OTUD7A: variants seen among roughly 807,000 people sequenced by gnomAD.
OTUD7A encodes the protein OTU domain-containing protein 7A.
OTUD7A carries 12 observed loss-of-function variants against 65.7 expected under a neutral mutation model. That is an observed-to-expected ratio of 0.18 (90% confidence interval 0.12 to 0.30). OTUD7A has a LOEUF of 0.30. Among genes scored for constraint, OTUD7A ranks in the 10% least tolerant of loss-of-function variants. The pLI is 1.00. For missense variants in OTUD7A, 1,148 were observed against 1,304.8 expected (o/e 0.88, Z 1.85); for synonymous variants, 641 against 586.3 (o/e 1.09, Z -1.35).
At chr15:31,631,797 C>CT (rs1215689485) in intron 3 of OTUD7A, among the ~76,000 whole-genome samples, 1 of 152,084 alleles carries the variant, frequency 6.6e-6, no homozygotes, top group South Asian at 2.1e-4. Flanking sequence ...TCTTTTTATT[C>CT]TTTTTTCTCT....
intron 1 of OTUD7A, among the ~76,000 whole-genome samples, chr15:31,819,457 A>C (rs1896626727): frequency 6.6e-6 from 1 of 152,210 alleles, no homozygotes; most frequent in African/African-American, 2.4e-5. Context: ...ATTAATGCAC[A>C]TGGATGTTTA....
intron 1 of OTUD7A, among the ~76,000 whole-genome samples, chr15:31,842,795 A>G (rs1470295322): frequency 6.6e-6 from 1 of 152,118 alleles, no homozygotes; most frequent in Non-Finnish European, 1.5e-5. Flanking sequence ...TCATGACTTA[A>G]GCCATAGTAG....
intron 12 of OTUD7A, among the ~76,000 whole-genome samples, chr15:31,486,762 G>A (rs2041243628): frequency 1.3e-5 from 2 of 152,218 alleles, no homozygotes; most frequent in South Asian, 2.1e-4. Flanking sequence ...GGACCCACAC[G>A]GTTTGTAATT....
chr15:31,531,309 T>C (rs74391318), intron 5 of OTUD7A, among the ~76,000 whole-genome samples: 4,718 of 152,216 alleles, frequency 0.031, 250 homozygotes, highest in African/African-American at 0.11. Context: ...AGATGTACTT[T>C]TTCCTATTTC....
At chr15:31,496,063 CTCAAAAAAAAAAAAAAAAGTT>C (rs1390983484) in intron 10 of OTUD7A, among the ~76,000 whole-genome samples, 2 of 111,766 alleles carry the variant, frequency 1.8e-5, no homozygotes, top group African/African-American at 7.4e-5. Context: ...GAAACCCCAT[CTCAAAAAAAAAAAAAAAAGTT>C]TCAAAAAAAA....
At chr15:31,766,076 C>G (rs1223082669) in intron 1 of OTUD7A, 1 of 1,474,928 alleles carries the variant, frequency 6.8e-7, no homozygotes, top group Admixed American at 1.7e-5. Flanking sequence ...CAATATGTCC[C>G]CTTTTTAAGT....
chr15:31,587,579 G>T (rs1192889910), intron 3 of OTUD7A, among the ~76,000 whole-genome samples: 1 of 151,498 alleles, frequency 6.6e-6, no homozygotes, highest in Non-Finnish European at 1.5e-5. Flanking sequence ...GGGAGAGGTT[G>T]CAGTGAGCTG....
Position 31,483,457 on chromosome 15 carries a change from C to G in OTUD7A, c.2639G>C (p.Arg880Pro), listed in dbSNP as rs748134214. 1.4e-5 allele frequency: 19 copies of G among 1,379,734 alleles called. No individual in the cohort carries two copies. In the Admixed American group the frequency reaches 6.0e-4, roughly 44 times the overall value. The allele number at this position is 1,379,734 out of a possible 1,614,324, so 85.5% of individuals were successfully genotyped here. A position where few individuals can be genotyped will look rare whatever the true frequency, so the allele number is the denominator to read the frequency against. The change falls in exon 13 of 13, where the codon CGC becomes CCC. Residue 880 changes from arginine to proline, a missense_variant. Physicochemically the swap from Arg to Pro is moderately radical, Grantham distance 103. Around this residue, in one of 6 missense-constraint regions of OTUD7A, gnomAD observed 842 missense variants for 769.5 expected, o/e 1.09. Transcript: ENST00000307050. ...EFADADAPTA[R>P]SNGECGRGGP... ...GCCACGGCCGCACTCACCGTTCGAG[C>G]GCGCGGTCGGCGCGTCGGCGTCGGC...
At chr15:31,566,422 A>G (rs949101489) in intron 4 of OTUD7A, among the ~76,000 whole-genome samples, 2 of 152,238 alleles carry the variant, frequency 1.3e-5, no homozygotes, top group African/African-American at 2.4e-5. Flanking sequence ...ACAAATTGAT[A>G]AGAAAAGACA....
intron 8 of OTUD7A, among the ~76,000 whole-genome samples, chr15:31,516,765 C>T (rs992775798): frequency 6.6e-6 from 1 of 152,168 alleles, no homozygotes; most frequent in Non-Finnish European, 1.5e-5. Flanking sequence ...ACATCCTATT[C>T]CCCTATATAT....
chr15:31,515,410 C>G (rs1459201), intron 8 of OTUD7A, among the ~76,000 whole-genome samples: 1 of 151,812 alleles, frequency 6.6e-6, no homozygotes. Flanking sequence ...ACAGCATTCT[C>G]CTCATGCAAA....
At chr15:31,735,582 A>G (rs755609608) in intron 1 of OTUD7A, among the ~76,000 whole-genome samples, 14 of 151,612 alleles carry the variant, frequency 9.2e-5, no homozygotes, top group Non-Finnish European at 1.8e-4. Context: ...AAGGTTGTGG[A>G]GAAAAAGGAA....
intron 1 of OTUD7A, among the ~76,000 whole-genome samples, chr15:31,658,238 C>G (rs1489248564): frequency 6.6e-6 from 1 of 152,140 alleles, no homozygotes; most frequent in African/African-American, 2.4e-5. Context: ...AGTACATGCT[C>G]AATATACATT....
chr15:31,625,123 A>G (rs1157882611), intron 3 of OTUD7A, among the ~76,000 whole-genome samples: 2 of 152,182 alleles, frequency 1.3e-5, no homozygotes, highest in Non-Finnish European at 2.9e-5. Flanking sequence ...CAGCCAGGGA[A>G]GAGGCTGTGG....
rs1465174455 is a variant in OTUD7A, at chr15:31,655,225, T to C, written c.22A>G (p.Asn8Asp). The stretch of plus-strand genomic sequence containing the variant: ...GCCCAACACTCAGCCGAGGTGGGGT[T>C]TGGAAGCACACTAGAAACCATCCAT... MVSSVLP[N>D]PTSAECWAAL... The change falls in exon 3 of 13, where the codon AAC (asparagine) becomes GAC (aspartate). Residue 8 changes from asparagine (N) to aspartate (D), a missense_variant. Physicochemically the swap from Asn to Asp is conservative, Grantham distance 23. This residue lies in a region of OTUD7A where 38 missense variants were observed against 85.7 expected (regional missense o/e 0.44). Coordinates refer to ENST00000307050, the MANE Select transcript of OTUD7A (RefSeq NM_001382637.1). 12 of 1,469,194 alleles carry C rather than the reference T, an allele frequency of 8.2e-6. No individual in the cohort carries two copies. The highest frequency in any genetic ancestry group is 1.1e-5 in the Non-Finnish European group (12 of 1,074,982). 91.0% of individuals were successfully genotyped at this position (1,469,194 alleles called of 1,614,324 possible). A position where few individuals can be genotyped will look rare whatever the true frequency, so the allele number is the denominator to read the frequency against.
intron 4 of OTUD7A, among the ~76,000 whole-genome samples, chr15:31,568,414 G>A (rs746831078): frequency 2.1e-4 from 32 of 152,226 alleles, no homozygotes; most frequent in Non-Finnish European, 3.2e-4. Flanking sequence ...ATGTTTACCC[G>A]ATTGTATCTT....
At chr15:31,525,630 T>G (rs1354199851) in intron 8 of OTUD7A, among the ~76,000 whole-genome samples, 3 of 152,228 alleles carry the variant, frequency 2.0e-5, no homozygotes, top group Non-Finnish European at 2.9e-5. Flanking sequence ...CACTTTCTCA[T>G]GTTTGGCTGA....
chr15:31,669,535 G>A (rs1473462292), intron 1 of OTUD7A, among the ~76,000 whole-genome samples: 1 of 152,214 alleles, frequency 6.6e-6, no homozygotes, highest in Non-Finnish European at 1.5e-5. Flanking sequence ...TCCAGGCAGT[G>A]GGTGAGCAGA....
At chr15:31,863,812 T>C (rs1897808618) in intron 1 of OTUD7A, among the ~76,000 whole-genome samples, 1 of 152,240 alleles carries the variant, frequency 6.6e-6, no homozygotes. Flanking sequence ...GAAGCTGGCT[T>C]GAATTTCTCC....
Sources: gnomAD v4.1 joint callset for allele counts (sites outside exome capture counted in the v4.1 genomes callset) on GRCh38, gnomAD v4.1.1 for gene constraint, gnomAD v4.1.1 regional missense constraint, MANE v1.5 for transcripts, NCBI Gene and HGNC (gene_info 2026-07-23, HGNC 2026-07-21) for gene names.